The following SLC12A8 variants were observed in gnomAD, a reference collection of about 807,000 sequenced individuals.
The protein encoded by SLC12A8 is solute carrier family 12 member 8, also known as cation-chloride cotransporter 9.
A neutral mutation model predicts 75.6 loss-of-function variants in SLC12A8; 69 were observed. That is an observed-to-expected ratio of 0.91 (90% CI 0.75 to 1.11). The LOEUF is 1.11. Ranked by LOEUF, SLC12A8 falls within the 50% of genes most tolerant of loss-of-function variation. The pLI, the probability that SLC12A8 is intolerant of heterozygous loss-of-function variation, is 0.00. For missense variants in SLC12A8, 877 were observed against 896.7 expected (o/e 0.98, Z 0.28); for synonymous variants, 365 against 372.8 (o/e 0.98, Z 0.24).
chr3:125,173,333 A>G (rs767191952), intron 5 of SLC12A8, among the ~76,000 whole-genome samples: 2 of 152,130 alleles, frequency 1.3e-5, no homozygotes, highest in Non-Finnish European at 2.9e-5. Context: ...AACAGAAAAG[A>G]GAACCCAGAA....
intron 10 of SLC12A8, among the ~76,000 whole-genome samples, chr3:125,103,760 G>A (rs1456654918): frequency 1.3e-5 from 2 of 151,998 alleles, no homozygotes; most frequent in South Asian, 2.1e-4. Flanking sequence ...AGCCTCCCAA[G>A]TAGCTGAGAC....
intron 5 of SLC12A8, among the ~76,000 whole-genome samples, chr3:125,176,711 G>A (rs679616): frequency 0.97 from 145,905 of 150,944 alleles, 70,700 homozygotes; most frequent in Middle Eastern, 1. Context: ...GCAGCCAAAA[G>A]ACACATGAAA....
At chr3:125,142,994 T>C (rs1236328018) in intron 5 of SLC12A8, among the ~76,000 whole-genome samples, 3 of 152,214 alleles carry the variant, frequency 2.0e-5, no homozygotes, top group African/African-American at 7.2e-5. Context: ...TTCCATATGT[T>C]AATAAAACCT....
intron 2 of SLC12A8, among the ~76,000 whole-genome samples, chr3:125,201,622 A>C (rs1935121985): frequency 6.6e-6 from 1 of 151,888 alleles, no homozygotes; most frequent in South Asian, 2.1e-4. Flanking sequence ...AATATTTTTA[A>C]AATAACCAGG....
At chr3:125,168,389 C>A (rs6763338) in intron 5 of SLC12A8, among the ~76,000 whole-genome samples, 17,058 of 152,102 alleles carry the variant, frequency 0.11, 1,186 homozygotes, top group Middle Eastern at 0.25. Flanking sequence ...GCCTTTAATT[C>A]AAGATGGTGC....
intron 2 of SLC12A8, among the ~76,000 whole-genome samples, chr3:125,203,276 G>A (rs970237175): frequency 2.0e-5 from 3 of 150,570 alleles, no homozygotes; most frequent in Non-Finnish European, 4.4e-5. Context: ...AGCCAGAATA[G>A]CCAAAGCAAT....
At position 125,112,176 on chromosome 3, in the gene SLC12A8, G is replaced by A. The variant is rs370073991; in HGVS notation, c.913-1841C>T. Reference sequence around the variant, plus strand: ...CCCCAAATGGTCAGGAAGGTCAGATGCTTGATGAACAAGACTAAGGTCCAC... The same window carrying A: ...CCCCAAATGGTCAGGAAGGTCAGATACTTGATGAACAAGACTAAGGTCCAC... On this transcript the variant is annotated intron_variant, in intron 8 of 13. Coordinates refer to ENST00000469902, the MANE Select transcript of SLC12A8 (RefSeq NM_024628.6). Among the ~76,000 whole-genome samples, 450 of 152,280 alleles carry A rather than the reference G, an allele frequency of 3.0e-3. 4 individuals are homozygous for A. Among genetic ancestry groups the A allele is most frequent in the African/African-American group, 0.01 (433 of 41,536 alleles).
intron 10 of SLC12A8, among the ~76,000 whole-genome samples, chr3:125,095,740 C>T (rs1401664249): frequency 6.6e-6 from 1 of 152,228 alleles, no homozygotes; most frequent in East Asian, 1.9e-4. Flanking sequence ...ATAGTGAAGT[C>T]ATACAAATGG....
intron 5 of SLC12A8, among the ~76,000 whole-genome samples, chr3:125,145,885 T>C (rs1165027723): frequency 6.6e-6 from 1 of 152,248 alleles, no homozygotes; most frequent in Non-Finnish European, 1.5e-5. Flanking sequence ...TGGAGTGCAG[T>C]GGCACGATCA....
At chr3:125,188,379 G>T (rs1217297123) in intron 3 of SLC12A8, among the ~76,000 whole-genome samples, 1 of 152,124 alleles carries the variant, frequency 6.6e-6, no homozygotes, top group Non-Finnish European at 1.5e-5. Context: ...TTAGCCTCAG[G>T]TATTCCTTTA....
intron 13 of SLC12A8, among the ~76,000 whole-genome samples, chr3:125,087,092 ACTT>A: frequency 7.3e-6 from 1 of 136,176 alleles, no homozygotes; most frequent in South Asian, 2.3e-4. Flanking sequence ...CATGTATTTC[ACTT>A]TTTTTTTTTT....
At chr3:125,173,928 T>C (rs34093528) in intron 5 of SLC12A8, among the ~76,000 whole-genome samples, 18,521 of 152,086 alleles carry the variant, frequency 0.12, 1,395 homozygotes, top group Middle Eastern at 0.27. Flanking sequence ...CCATCTCTGA[T>C]AAAAATACAA....
intron 5 of SLC12A8, among the ~76,000 whole-genome samples, chr3:125,141,356 A>C (rs981753178): frequency 9.2e-5 from 14 of 152,172 alleles, no homozygotes; most frequent in Admixed American, 8.5e-4. Flanking sequence ...TCTGCTCCCA[A>C]GGGGTGCTCG....
rs746525353 is a variant in SLC12A8, at chr3:125,091,481, C to G, written c.1879G>C (p.Val627Leu). 6.2e-7 allele frequency: 1 copy of G among 1,613,790 alleles called. No individual in the cohort carries two copies. Among genetic ancestry groups the G allele is most frequent in the Non-Finnish European group, 8.5e-7 (1 of 1,179,876 alleles). ...TLVNMGVAAI[V>L]YFYIGRASPG... Reference sequence around the variant, plus strand: ...CTGGCCCGGCCAATGTAGAAATACACGATGGCAGCAACACCCATGTTAACC... The same window carrying G: ...CTGGCCCGGCCAATGTAGAAATACAGGATGGCAGCAACACCCATGTTAACC... Residue 627 changes from valine to leucine, a missense_variant, in exon 12 of 14, where the codon GTG becomes CTG. By Grantham distance (32) the Val-to-Leu change is conservative. Coordinates refer to ENST00000469902, the MANE Select transcript of SLC12A8 (RefSeq NM_024628.6).
chr3:125,198,631 C>T (rs1412924464), intron 2 of SLC12A8, among the ~76,000 whole-genome samples: 2 of 151,928 alleles, frequency 1.3e-5, no homozygotes, highest in African/African-American at 4.8e-5. Context: ...GAAACTCTGT[C>T]TCAAATAAAA....
chr3:125,125,907 C>A (rs527791317), intron 6 of SLC12A8: 2 of 983,460 alleles, frequency 2.0e-6, no homozygotes, highest in Non-Finnish European at 2.4e-6. Context: ...CAGTTATAAT[C>A]GGCGCGATGC....
chr3:125,161,777 G>C (rs1003875635), intron 5 of SLC12A8, among the ~76,000 whole-genome samples: 3 of 151,978 alleles, frequency 2.0e-5, no homozygotes, highest in African/African-American at 7.3e-5. Context: ...AGCTATCCCT[G>C]CTGACCTGCT....
intron 5 of SLC12A8, among the ~76,000 whole-genome samples, chr3:125,173,452 C>CAAAA (rs61001520): frequency 0.027 from 2,113 of 79,206 alleles, 16 homozygotes; most frequent in African/African-American, 0.037. Flanking sequence ...ATTCATGAGC[C>CAAAA]AAAAAAAAAA....
intron 6 of SLC12A8, among the ~76,000 whole-genome samples, chr3:125,126,859 T>G (rs1341640558): frequency 6.6e-6 from 1 of 152,178 alleles, no homozygotes; most frequent in Non-Finnish European, 1.5e-5. Flanking sequence ...AGACTACACA[T>G]GCACTAACGT....
Sources: gnomAD v4.1 joint callset for allele counts (sites outside exome capture counted in the v4.1 genomes callset) on GRCh38, gnomAD v4.1.1 for gene constraint, MANE v1.5 for transcripts, NCBI Gene and HGNC (gene_info 2026-07-23, HGNC 2026-07-21) for gene names.